The following KDM4B variants were observed in gnomAD, a reference collection of about 807,000 sequenced individuals.
The protein encoded by KDM4B is lysine demethylase 4B, also known as lysine-specific demethylase 4B.
Under a neutral mutation model 125.2 loss-of-function variants are expected in KDM4B, and 32 were observed. The observed-to-expected ratio is 0.26, with a 90% confidence interval of 0.19 to 0.34. KDM4B has a LOEUF of 0.34. Among genes scored for constraint, KDM4B ranks in the 10% least tolerant of loss-of-function variants. The pLI is 1.00. For synonymous variants in KDM4B, 721 were observed against 677.9 expected, an observed-to-expected ratio of 1.06 and a Z score of -0.99; for missense variants, 1,190 against 1,577.7, an observed-to-expected ratio of 0.75 and a Z score of 4.16.
intron 18 of KDM4B, among the ~76,000 whole-genome samples, chr19:5,139,536 G>A (rs1035671024): frequency 3.9e-5 from 6 of 152,214 alleles, no homozygotes; most frequent in Admixed American, 2.0e-4. Context: ...ACTCCCATCC[G>A]CACCCCCCGG....
chr19:5,023,432 C>T (rs1378045068), intron 2 of KDM4B, among the ~76,000 whole-genome samples: 3 of 152,252 alleles, frequency 2.0e-5, no homozygotes, highest in Non-Finnish European at 4.4e-5. Flanking sequence ...CTCGTGCTGC[C>T]TCTGTGGCCA....
intron 6 of KDM4B, chr19:5,070,676 A>G (rs549997367): frequency 9.7e-5 from 22 of 227,862 alleles, no homozygotes; most frequent in African/African-American, 5.0e-4. Flanking sequence ...CGCAGTTCCA[A>G]TCCAATACTT....
rs1248486545 is a variant in KDM4B at position 4,997,276 on chromosome 19, A to G, written c.-108-18981A>G. Among the ~76,000 whole-genome samples, 1 of 151,968 alleles carries G rather than the reference A, an allele frequency of 6.6e-6. No homozygotes were observed. Among genetic ancestry groups the G allele is most frequent in the Non-Finnish European group, 1.5e-5 (1 of 68,004 alleles). Reference sequence around the variant, plus strand: ...TATTTTTGGTGCGTTGTTACATAGGATGTTTTCAAGTTGCCTGATGTGTCC... The same window carrying G: ...TATTTTTGGTGCGTTGTTACATAGGGTGTTTTCAAGTTGCCTGATGTGTCC... On this transcript the variant is annotated intron_variant, in intron 1 of 22. Coordinates refer to ENST00000159111, the MANE Select transcript of KDM4B (RefSeq NM_015015.3). The surrounding 1 kb of genome is among the most constrained non-coding windows in gnomAD (Gnocchi z 4.2).
rs938890057 is a variant in KDM4B at position 5,151,647 on chromosome 19, G to A, written c.*136G>A. 9.3e-6 allele frequency: 7 copies of A among 755,416 alleles called. No homozygotes were observed. Among genetic ancestry groups the A allele is most frequent in the African/African-American group, 9.1e-5 (5 of 55,012 alleles). The allele number at this position is 755,416 out of a possible 1,614,324, so 46.8% of individuals were successfully genotyped here. On this transcript the variant is annotated 3_prime_UTR_variant, in exon 23 of 23. Transcript: ENST00000159111. ...CCTCCAAGCCGCGGGTGCCCCCTAG[G>A]GCGACAGGAGCCAGCGGGACGCCGC...
At chr19:5,076,991 G>A (rs1343174864) in intron 7 of KDM4B, 3 of 244,282 alleles carry the variant, frequency 1.2e-5, no homozygotes, top group African/African-American at 6.7e-5. Flanking sequence ...TGTATGCCAT[G>A]GGTGGGCACC....
intron 2 of KDM4B, among the ~76,000 whole-genome samples, chr19:5,030,130 A>G (rs904033853): frequency 6.6e-6 from 1 of 151,952 alleles, no homozygotes; most frequent in Non-Finnish European, 1.5e-5. Context: ...CTATTTTTTG[A>G]GACAGGATCA....
chr19:5,124,660 A>G (rs1309193893), intron 11 of KDM4B, among the ~76,000 whole-genome samples: 7 of 152,168 alleles, frequency 4.6e-5, no homozygotes, highest in Non-Finnish European at 1.0e-4. Context: ...GCAGTGACGC[A>G]ATCTCAGCTC....
intron 21 of KDM4B, among the ~76,000 whole-genome samples, chr19:5,146,990 T>C (rs2039863279): frequency 7.1e-6 from 1 of 140,306 alleles, no homozygotes; most frequent in Non-Finnish European, 1.5e-5. Flanking sequence ...AGCATTCTGG[T>C]GCATCTAGTA....
At chr19:5,041,338 G>A (rs1599480783) in intron 5 of KDM4B, 87 bp downstream of exon 5, 2 of 1,010,448 alleles carry the variant, frequency 2.0e-6, no homozygotes, top group East Asian at 2.6e-5. Flanking sequence ...TGCCTTGGCA[G>A]ATGAAGCTTC....
Position 5,137,982 on chromosome 19 carries a change from C to G in KDM4B, c.2462C>G (p.Ala821Gly). ...CCCAGGTGGATCCACGTGATCTGTGCCATCGCAGTCCCCGAGGCGCGCTTC... is the reference window on the plus strand; with the variant it reads ...CCCAGGTGGATCCACGTGATCTGTGGCATCGCAGTCCCCGAGGCGCGCTTC... Reference protein sequence around the residue: ...TDRRWIHVICAIAVPEARFLN... With the variant: ...TDRRWIHVICGIAVPEARFLN... Residue 821 changes from alanine (A) to glycine (G), a missense_variant, in exon 18 of 23, where the codon GCC becomes GGC. Coordinates refer to ENST00000159111, the MANE Select transcript of KDM4B (RefSeq NM_015015.3). 1.9e-6 allele frequency: 3 copies of G among 1,612,432 alleles called. No homozygotes were observed. The highest frequency in any genetic ancestry group is 2.5e-6 in the Non-Finnish European group (3 of 1,179,812).
intron 6 of KDM4B, among the ~76,000 whole-genome samples, chr19:5,061,495 A>G (rs1299250462): frequency 6.6e-6 from 1 of 152,168 alleles, no homozygotes; most frequent in African/African-American, 2.4e-5. Flanking sequence ...TCTGCCACAT[A>G]AAGGAGCCCC....
chr19:5,119,331 G>A (rs935188976), intron 10 of KDM4B: 21 of 737,658 alleles, frequency 2.8e-5, no homozygotes, highest in Admixed American at 1.0e-4. Context: ...GGCTCCTGCC[G>A]CCCCGTCCCG....
chr19:5,076,715 C>T (rs5018981), intron 7 of KDM4B: 35 of 132,430 alleles, frequency 2.6e-4, no homozygotes, highest in Middle Eastern at 5.0e-3. Context: ...TCTCGTTGAC[C>T]GAGTGACGAG....
chr19:5,034,039 C>T lies in KDM4B; in HGVS notation c.141+1008C>T, dbSNP rs770464223. ...GTCCCAGCTACTCGGGAGGCTGAGG[C>T]GGGAGGATCACTTGAGCCAGGGAGG... is the stretch of plus-strand genomic sequence containing the variant. On this transcript the variant is annotated intron_variant, in intron 3 of 22. Coordinates refer to ENST00000159111, the MANE Select transcript of KDM4B (RefSeq NM_015015.3). Among the ~76,000 whole-genome samples, 11 of 152,276 alleles carry T rather than the reference C, an allele frequency of 7.2e-5. No individual in the cohort carries two copies. The South Asian group carries it at 1.7e-3, about 23-fold the overall frequency.
chr19:5,137,680 G>T lies in KDM4B; in HGVS notation c.2441+4G>T. The T allele has an allele frequency of 6.3e-7, 1 of 1,583,242 alleles. No homozygotes were observed. Among genetic ancestry groups the T allele is most frequent in the Non-Finnish European group, 8.6e-7 (1 of 1,167,852 alleles). ...TGCAGATGACCACCGATAGGAGGTG[G>T]GTGGCACCGCGCGTTGGGGCTGGAG... On this transcript the variant is annotated splice_donor_region_variant and intron_variant, in intron 17 of 22. Coordinates refer to ENST00000159111, the MANE Select transcript of KDM4B (RefSeq NM_015015.3).
intron 2 of KDM4B, among the ~76,000 whole-genome samples, chr19:5,026,027 C>T (rs963214517): frequency 1.3e-5 from 2 of 151,832 alleles, no homozygotes; most frequent in East Asian, 2.0e-4. Context: ...GGATTACAGG[C>T]GCATGCCACC....
chr19:5,111,692 G>T, intron 10 of KDM4B: 1 of 744,618 alleles, frequency 1.3e-6, no homozygotes, highest in Middle Eastern at 2.3e-4. Flanking sequence ...GCTGGAGCCG[G>T]GAGGGACGGC....
At chr19:5,123,853 C>A (rs891356489) in intron 11 of KDM4B, among the ~76,000 whole-genome samples, 12 of 152,126 alleles carry the variant, frequency 7.9e-5, no homozygotes, top group Non-Finnish European at 1.3e-4. Context: ...GAGCCCCAGG[C>A]GAGGTCGGCA....
intron 2 of KDM4B, among the ~76,000 whole-genome samples, chr19:5,024,839 T>C (rs1476791353): frequency 6.6e-6 from 1 of 152,020 alleles, no homozygotes; most frequent in Non-Finnish European, 1.5e-5. Flanking sequence ...TCCCAGCTAC[T>C]CAGAAGGCTC....
Sources: allele counts gnomAD v4.1 joint callset (sites outside exome capture counted in the v4.1 genomes callset), GRCh38; gene constraint gnomAD v4.1.1; non-coding constraint Gnocchi (gnomAD v3.1); transcripts MANE v1.5; gene names NCBI Gene and HGNC (gene_info 2026-07-23, HGNC 2026-07-21).